Variants in RNASEK observed in about 807,000 individuals in gnomAD.
The protein encoded by RNASEK is ribonuclease kappa.
RNASEK carries 7 observed loss-of-function variants against 11.2 expected under a neutral mutation model. The ratio of observed to expected loss-of-function variants is 0.62; its 90% CI spans 0.35 to 1.17. RNASEK has a LOEUF of 1.17. RNASEK is among the 50% of genes most tolerant of loss of function. The pLI is 0.02. For synonymous variants in RNASEK, 46 were observed against 49.5 expected (o/e 0.93, Z 0.30); for missense variants, 101 against 126.7 (o/e 0.80, Z 0.97).
At position 7,012,630 on chromosome 17, in the gene RNASEK, TC is replaced by T; in HGVS notation, c.-51del. On this transcript the variant is annotated 5_prime_UTR_variant, in exon 1 of 3. Coordinates refer to ENST00000593646, the MANE Select transcript of RNASEK (RefSeq NM_001004333.5). Reference sequence around the variant, plus strand: ...CCCTGCGAGGGCATCCTGGGCTTTCTCCCACCGCTTTCCGAGCCCGCTTGCA... The same window carrying T: ...CCCTGCGAGGGCATCCTGGGCTTTCTCCACCGCTTTCCGAGCCCGCTTGCA... 6.2e-7 allele frequency: 1 copy of T among 1,604,034 alleles called. No homozygotes were observed. Among genetic ancestry groups the T allele is most frequent in the Non-Finnish European group, 8.5e-7 (1 of 1,178,018 alleles).
rs1472374270 is a variant in RNASEK at position 7,012,643 on chromosome 17, C to T, written c.-41C>T. On this transcript the variant is annotated 5_prime_UTR_variant, in exon 1 of 3. Coordinates refer to ENST00000593646, the MANE Select transcript of RNASEK (RefSeq NM_001004333.5). ...TCCTGGGCTTTCTCCCACCGCTTTC[C>T]GAGCCCGCTTGCACCTCGGCGATCC... The T allele has an allele frequency of 1.9e-6, 3 of 1,608,826 alleles. No homozygotes were observed. The highest frequency in any genetic ancestry group is 1.1e-5 in the South Asian group (1 of 90,728).
At chr17:7,013,491 T>A (rs780561345) in intron 1 of RNASEK, 175 bp from the exon 2 acceptor site, 6 of 1,562,066 alleles carry the variant, frequency 3.8e-6, no homozygotes, top group Non-Finnish European at 5.2e-6. Context: ...CTTGTCTCAA[T>A]GTCACCACCT....
intron 1 of RNASEK, chr17:7,012,974 A>T (rs1909519917): frequency 1.8e-6 from 1 of 562,868 alleles, no homozygotes; most frequent in Non-Finnish European, 3.1e-6. Context: ...AAAATACAAA[A>T]ATTAGCCGGG....
At chr17:7,013,570 C>T (rs1407860338) in intron 1 of RNASEK, 96 bp from the exon 2 acceptor site, 3 of 1,605,706 alleles carry the variant, frequency 1.9e-6, no homozygotes, top group Non-Finnish European at 2.6e-6. Flanking sequence ...ATCTCAGGCT[C>T]GGGTGTTGTA....
Position 7,012,741 on chromosome 17 carries a change from G to T in RNASEK, c.58G>T (p.Ala20Ser), listed in dbSNP as rs1909490476. ...KLAACGIVLS[A>S]WGVIMLIMLG... ...GGCCGCCTGCGGCATCGTCCTCAGC[G>T]CCTGGGGAGTGATCATGTTGGTGAG... The change falls in exon 1 of 3, where the codon GCC becomes TCC. Residue 20 changes from alanine to serine, a missense_variant. Ala to Ser is a moderately conservative substitution (Grantham distance 99). Transcript: ENST00000593646. 1 of 1,613,136 alleles carries T rather than the reference G, an allele frequency of 6.2e-7. No homozygotes were observed. The highest frequency in any genetic ancestry group is 8.5e-7 in the Non-Finnish European group (1 of 1,179,788).
At position 7,013,759 on chromosome 17, in the gene RNASEK, G is replaced by A; in HGVS notation, c.155+17G>A. The A allele has an allele frequency of 1.3e-6, 2 of 1,582,056 alleles. No homozygotes were observed. Among genetic ancestry groups the A allele is most frequent in the Non-Finnish European group, 1.7e-6 (2 of 1,150,716 alleles). ...AGATTTTGAGTAAGTATTCGGGTGG[G>A]GGAGGCGGGCTGGGAGCAGGTGGGA... is the stretch of plus-strand genomic sequence containing the variant. On this transcript the variant is annotated intron_variant, in intron 2 of 2. Transcript: ENST00000593646.
chr17:7,013,453 G>A (rs1567723188), intron 1 of RNASEK: 1 of 1,538,754 alleles, frequency 6.5e-7, no homozygotes, highest in Admixed American at 2.0e-5. Context: ...AGATGGCTTG[G>A]TCACTATTCC....
intron 1 of RNASEK, chr17:7,013,243 T>C (rs1262037168): frequency 1.7e-6 from 2 of 1,154,282 alleles, no homozygotes; most frequent in Admixed American, 5.1e-5. Flanking sequence ...TGAGAGGTGC[T>C]TGAGTTGAAT....
Position 7,013,421 on chromosome 17 carries a change from C to T in RNASEK, c.79-245C>T, listed in dbSNP as rs929254571. 45 of 1,535,966 alleles carry T rather than the reference C, an allele frequency of 2.9e-5. No individual in the cohort carries two copies. In the African/African-American group the frequency reaches 5.6e-4, roughly 19 times the overall value. On this transcript the variant is annotated intron_variant, in intron 1 of 2. Transcript: ENST00000593646. ...GTGATGATGACGCCTCCAGAGAGGA[C>T]GATAATCTGGGTTCCTGGGAGAGAT...
intron 1 of RNASEK, chr17:7,013,103 T>C: frequency 2.2e-6 from 1 of 448,812 alleles, no homozygotes; most frequent in East Asian, 4.5e-5. Flanking sequence ...CCAGCCTGGG[T>C]GACAGAGCGA....
At chr17:7,013,858 G>A (rs1909614157) in intron 2 of RNASEK, 116 bp downstream of exon 2, 1 of 885,604 alleles carries the variant, frequency 1.1e-6, no homozygotes, top group Non-Finnish European at 1.9e-6. Context: ...AGGACTTGGA[G>A]AGGAGAGCGG....
intron 2 of RNASEK, 149 bp from the exon 3 acceptor site, chr17:7,013,996 G>A (rs1740276760): frequency 1.3e-6 from 1 of 781,868 alleles, no homozygotes; most frequent in Non-Finnish European, 2.1e-6. Context: ...CTGCAAAATG[G>A]CTATGACAGA....
chr17:7,012,835 ACT>A (rs1326315520), intron 1 of RNASEK, 74 bp downstream of exon 1: 10 of 1,409,206 alleles, frequency 7.1e-6, no homozygotes, highest in African/African-American at 1.4e-5. Flanking sequence ...AGGCGAGGAA[ACT>A]CTGGGCCGCA....
At chr17:7,012,803 G>C in intron 1 of RNASEK, 42 bp downstream of exon 1, 2 of 1,583,532 alleles carry the variant, frequency 1.3e-6, no homozygotes, top group Non-Finnish European at 1.7e-6. Flanking sequence ...GGCCTGAGGG[G>C]CTCCGGGCTG....
In RNASEK at chr17:7,014,322, T is replaced by C. The variant is rs753580168; in HGVS notation, c.*36T>C. 1 of 1,611,164 alleles carries C rather than the reference T, an allele frequency of 6.2e-7. No individual in the cohort carries two copies. The highest frequency in any genetic ancestry group is 8.5e-7 in the Non-Finnish European group (1 of 1,178,634). ...CGTTTCCCCGCTCCAGCCCCTCCTC[T>C]ATTTAAAGACTCCCTGCACCGTGTC... On this transcript the variant is annotated 3_prime_UTR_variant, in exon 3 of 3. Transcript: ENST00000593646. This position sits in a 1 kb window ranked among gnomAD's most constrained non-coding sequence, Gnocchi z 4.5.
At position 7,014,375 on chromosome 17, in the gene RNASEK, C is replaced by T. The variant is rs1194887723; in HGVS notation, c.*89C>T. 4.9e-6 allele frequency: 7 copies of T among 1,415,718 alleles called. No individual in the cohort carries two copies. In the East Asian group the frequency reaches 1.7e-4, roughly 33 times the overall value. 87.7% of individuals were successfully genotyped at this position (1,415,718 alleles called of 1,614,324 possible). A position where few individuals can be genotyped will look rare whatever the true frequency, so the allele number is the denominator to read the frequency against. On this transcript the variant is annotated 3_prime_UTR_variant, in exon 3 of 3. Transcript: ENST00000593646. This position sits in a 1 kb window ranked among gnomAD's most constrained non-coding sequence, Gnocchi z 4.5. ...CCAGGTCGCGTCCCACCCTTGCCGG[C>T]GCCCTCTGCGGGACTGGGTTTCCCG...
intron 2 of RNASEK, 122 bp downstream of exon 2, chr17:7,013,864 A>G: frequency 2.3e-6 from 2 of 866,554 alleles, no homozygotes. Context: ...TGGAGAGGAG[A>G]GCGGCTTTCT....
Position 7,014,445 on chromosome 17 carries a change from C to A in RNASEK, c.*159C>A, listed in dbSNP as rs555720428. On this transcript the variant is annotated 3_prime_UTR_variant, in exon 3 of 3. Transcript: ENST00000593646. The surrounding 1 kb of genome is among the most constrained non-coding windows in gnomAD (Gnocchi z 4.5). ...TCTCCCATCTCTGGCATCCGGCCCCCGTGGAGAGGGCTGAGGCTGGGGGGC... is the reference window on the plus strand; with the variant it reads ...TCTCCCATCTCTGGCATCCGGCCCCAGTGGAGAGGGCTGAGGCTGGGGGGC... 27 of 745,944 alleles carry A rather than the reference C, an allele frequency of 3.6e-5. No homozygotes were observed. In the South Asian group the frequency reaches 4.9e-4, roughly 13 times the overall value. The allele number at this position is 745,944 out of a possible 1,614,324, so 46.2% of individuals were successfully genotyped here. A position where few individuals can be genotyped will look rare whatever the true frequency, so the allele number is the denominator to read the frequency against.
At position 7,012,655 on chromosome 17, in the gene RNASEK, C is replaced by T; in HGVS notation, c.-29C>T. On this transcript the variant is annotated 5_prime_UTR_variant, in exon 1 of 3. Coordinates refer to ENST00000593646, the MANE Select transcript of RNASEK (RefSeq NM_001004333.5). Reference sequence around the variant, plus strand: ...TCCCACCGCTTTCCGAGCCCGCTTGCACCTCGGCGATCCCCGACTCCCTTC... The same window carrying T: ...TCCCACCGCTTTCCGAGCCCGCTTGTACCTCGGCGATCCCCGACTCCCTTC... 6.2e-7 allele frequency: 1 copy of T among 1,611,178 alleles called. No individual in the cohort carries two copies. Among genetic ancestry groups the T allele is most frequent in the Non-Finnish European group, 8.5e-7 (1 of 1,179,706 alleles).
Sources: gnomAD v4.1 joint callset for allele counts on GRCh38, gnomAD v4.1.1 for gene constraint, Gnocchi (gnomAD v3.1) non-coding constraint, MANE v1.5 for transcripts, NCBI Gene and HGNC (gene_info 2026-07-23, HGNC 2026-07-21) for gene names.